Variants in CPNE4 observed in about 807,000 individuals in gnomAD.
The protein encoded by CPNE4 is copine-4.
A neutral mutation model predicts 67.9 loss-of-function variants in CPNE4; 25 were observed. That is an observed-to-expected ratio of 0.37 (90% CI 0.27 to 0.51). CPNE4 has a LOEUF of 0.51. Among genes scored for constraint, CPNE4 ranks in the 20% least tolerant of loss-of-function variants. CPNE4 has a pLI of 0.93. For synonymous variants in CPNE4, 242 were observed against 244.9 expected (o/e 0.99, Z 0.11); for missense variants, 464 against 690.8 (o/e 0.67, Z 3.68).
chr3:131,626,773 C>A (rs768203866), intron 7 of CPNE4, among the ~76,000 whole-genome samples: 1 of 152,176 alleles, frequency 6.6e-6, no homozygotes, highest in Non-Finnish European at 1.5e-5. Flanking sequence ...CCATCTAGGA[C>A]TTTCTTAGCT....
intron 7 of CPNE4, among the ~76,000 whole-genome samples, chr3:131,593,276 T>C (rs1027707419): frequency 3.3e-5 from 5 of 152,250 alleles, no homozygotes; most frequent in Admixed American, 3.3e-4. Context: ...GAACACTAAG[T>C]CTTTCAATTC....
chr3:131,921,807 A>G (rs2070745854), intron 1 of CPNE4, among the ~76,000 whole-genome samples: 1 of 152,216 alleles, frequency 6.6e-6, no homozygotes, highest in Non-Finnish European at 1.5e-5. Context: ...ATGAATCGTC[A>G]AAGTAATTAG....
At chr3:131,830,408 AT>A (rs2085319263) in intron 2 of CPNE4, among the ~76,000 whole-genome samples, 1 of 152,052 alleles carries the variant, frequency 6.6e-6, no homozygotes, top group Non-Finnish European at 1.5e-5. Context: ...AAGATAGATC[AT>A]TGTTATTCTA....
chr3:131,579,407 A>G (rs1192049304), intron 9 of CPNE4, among the ~76,000 whole-genome samples: 1 of 152,252 alleles, frequency 6.6e-6, no homozygotes, highest in Admixed American at 6.5e-5. Flanking sequence ...GACTGCTAAC[A>G]CAATATCCTA....
At chr3:131,712,084 C>T (rs2081571824) in intron 3 of CPNE4, among the ~76,000 whole-genome samples, 1 of 152,156 alleles carries the variant, frequency 6.6e-6, no homozygotes, top group Non-Finnish European at 1.5e-5. Flanking sequence ...AATTAGAATT[C>T]TTTACAAGTT....
At chr3:131,579,441 G>T (rs1447579082) in intron 9 of CPNE4, among the ~76,000 whole-genome samples, 1 of 152,166 alleles carries the variant, frequency 6.6e-6, no homozygotes, top group Non-Finnish European at 1.5e-5. Flanking sequence ...GAATCTAGGG[G>T]TAATTTCAAC....
At chr3:131,821,206 G>T (rs2084947921) in intron 2 of CPNE4, among the ~76,000 whole-genome samples, 1 of 152,128 alleles carries the variant, frequency 6.6e-6, no homozygotes. Flanking sequence ...GTATTTTGAG[G>T]CAAGCTTAAA....
At chr3:131,822,207 T>C (rs1285111914) in intron 2 of CPNE4, among the ~76,000 whole-genome samples, 1 of 152,208 alleles carries the variant, frequency 6.6e-6, no homozygotes, top group Non-Finnish European at 1.5e-5. Flanking sequence ...GAGTTTTAAA[T>C]CTTCAGCCTA....
intron 2 of CPNE4, among the ~76,000 whole-genome samples, chr3:131,879,953 T>C (rs925364420): frequency 6.6e-6 from 1 of 152,198 alleles, no homozygotes; most frequent in African/African-American, 2.4e-5. Flanking sequence ...CTCTTCCCAA[T>C]GTAAAGTTGA....
At chr3:131,917,525 T>C (rs2070596595) in intron 1 of CPNE4, among the ~76,000 whole-genome samples, 1 of 151,794 alleles carries the variant, frequency 6.6e-6, no homozygotes, top group African/African-American at 2.4e-5. Context: ...ATGTCAACAT[T>C]CATACACAGA....
chr3:131,929,683 C>T (rs1468607286), intron 1 of CPNE4, among the ~76,000 whole-genome samples: 6 of 152,096 alleles, frequency 3.9e-5, no homozygotes, highest in African/African-American at 9.7e-5. Context: ...AAAATTCACC[C>T]CCTTCTGTGT....
In CPNE4 at chr3:131,685,909, T is replaced by C. The variant is rs2080878911; in HGVS notation, c.557A>G (p.Asp186Gly). The change falls in exon 6 of 16, where the codon GAT becomes GGT. Residue 186 changes from aspartate to glycine, a missense_variant. By Grantham distance (94) the Asp-to-Gly change is moderately conservative. Coordinates refer to ENST00000429747, the MANE Select transcript of CPNE4 (RefSeq NM_130808.3). Reference sequence around the variant, plus strand: ...GTGCACCAGCTGCTGAGTTGCATCATCATTCATACGAAAAATTTCCAGAAA... The same window carrying C: ...GTGCACCAGCTGCTGAGTTGCATCACCATTCATACGAAAAATTTCCAGAAA... ...DPFLEIFRMNDDATQQLVHRT... is the reference protein window; with the variant it reads ...DPFLEIFRMNGDATQQLVHRT... 2 of 1,613,568 alleles carry C rather than the reference T, an allele frequency of 1.2e-6. No individual in the cohort carries two copies. The highest frequency in any genetic ancestry group is 1.7e-6 in the Non-Finnish European group (2 of 1,179,506).
At chr3:131,892,563 AT>A (rs60226759) in intron 2 of CPNE4, among the ~76,000 whole-genome samples, 53,668 of 151,908 alleles carry the variant, frequency 0.35, 10,645 homozygotes, top group African/African-American at 0.53. Flanking sequence ...ATGGTGCTAT[AT>A]AAATCTCTTA....
At chr3:131,897,764 T>G (rs2088393602) in intron 2 of CPNE4, among the ~76,000 whole-genome samples, 2 of 151,978 alleles carry the variant, frequency 1.3e-5, no homozygotes, top group African/African-American at 4.8e-5. Context: ...TGGTGGCATG[T>G]GCCTATAGTC....
intron 1 of CPNE4, among the ~76,000 whole-genome samples, chr3:131,934,878 A>G (rs2071178389): frequency 6.6e-6 from 1 of 152,156 alleles, no homozygotes; most frequent in Non-Finnish European, 1.5e-5. Context: ...ATCATCAAGG[A>G]AGAAAATGCA....
chr3:131,925,175 C>CTG (rs1337354148), intron 1 of CPNE4, among the ~76,000 whole-genome samples: 9 of 151,530 alleles, frequency 5.9e-5, no homozygotes, highest in African/African-American at 2.2e-4. Flanking sequence ...CTCTCTCTCT[C>CTG]TCTCATAATT....
rs117014065 is a variant in CPNE4, at chr3:131,903,565, C to T, written c.180+1699G>A. ...AGTGTCCAGCACAATTATAAAATAG[C>T]AATAAAGATCTCAGTTTCTGGAGCT... is the stretch of plus-strand genomic sequence containing the variant. On this transcript the variant is annotated intron_variant, in intron 2 of 15. Transcript: ENST00000429747. 1.2e-3 allele frequency among the ~76,000 whole-genome samples: 178 copies of T among 152,156 alleles called. 2 individuals are homozygous for T. The East Asian group carries it at 0.027, about 23-fold the overall frequency.
At chr3:131,628,934 T>C (rs2079150600) in intron 7 of CPNE4, among the ~76,000 whole-genome samples, 1 of 151,910 alleles carries the variant, frequency 6.6e-6, no homozygotes, top group Admixed American at 6.6e-5. Context: ...TTTCTTGCCT[T>C]CTGCTAGCTT....
chr3:131,706,204 G>T (rs1167769595), intron 3 of CPNE4, among the ~76,000 whole-genome samples: 1 of 152,188 alleles, frequency 6.6e-6, no homozygotes, highest in Non-Finnish European at 1.5e-5. Context: ...CCGTTTTTAA[G>T]TGAAAGAGGC....
Sources: allele counts gnomAD v4.1 joint callset (sites outside exome capture counted in the v4.1 genomes callset), GRCh38; gene constraint gnomAD v4.1.1; transcripts MANE v1.5; gene names NCBI Gene and HGNC (gene_info 2026-07-23, HGNC 2026-07-21).